ANO2: variants seen among roughly 807,000 people sequenced by gnomAD.
The protein encoded by ANO2 is anoctamin-2.
Under a neutral mutation model 124.2 loss-of-function variants are expected in ANO2, and 101 were observed. The observed-to-expected ratio is 0.81, with a 90% CI of 0.69 to 0.96. ANO2 has a LOEUF of 0.96. Among genes scored for constraint, ANO2 ranks in the 40% least tolerant of loss-of-function variants. The pLI, the probability that ANO2 is intolerant of heterozygous loss-of-function variation, is 0.00. For missense variants in ANO2, 1,293 were observed against 1,274.5 expected (o/e 1.01, Z -0.22); for synonymous variants, 486 against 482.5 (o/e 1.01, Z -0.09).
At chr12:5,881,552 C>T (rs148618407) in intron 3 of ANO2, among the ~76,000 whole-genome samples, 2,224 of 152,314 alleles carry the variant, frequency 0.015, 23 homozygotes, top group Admixed American at 0.037. Flanking sequence ...ACAGCATGCT[C>T]ATTTTTGAGA....
chr12:5,913,997 G>T (rs144092715), intron 3 of ANO2, among the ~76,000 whole-genome samples: 1 of 152,020 alleles, frequency 6.6e-6, no homozygotes, highest in Non-Finnish European at 1.5e-5. Context: ...GTCAGGAGTT[G>T]GAGACCAGCC....
chr12:5,943,277 TTGTGTGTGTGTGTGTG>T (rs138167836), intron 1 of ANO2, among the ~76,000 whole-genome samples: 6 of 148,476 alleles, frequency 4.0e-5, no homozygotes, highest in East Asian at 2.0e-4. Flanking sequence ...GAGTGTGTGT[TTGTGTGTGTGTGTGTG>T]TGTGTGTGTG....
chr12:5,899,988 A>C (rs1940073648), intron 3 of ANO2, among the ~76,000 whole-genome samples: 1 of 152,224 alleles, frequency 6.6e-6, no homozygotes, highest in Non-Finnish European at 1.5e-5. Flanking sequence ...CAAATTCATC[A>C]GCATCTTCTG....
chr12:5,762,199 C>T (rs1178012991), intron 10 of ANO2, among the ~76,000 whole-genome samples: 1 of 151,932 alleles, frequency 6.6e-6, no homozygotes, highest in Non-Finnish European at 1.5e-5. Flanking sequence ...TAGATCATTT[C>T]CAAGTGAAGT....
At chr12:5,602,407 G>C in intron 19 of ANO2, among the ~76,000 whole-genome samples, 2 of 151,778 alleles carry the variant, frequency 1.3e-5, no homozygotes, top group Non-Finnish European at 2.9e-5. Context: ...TGCACCACCA[G>C]GCCCAGCTAA....
chr12:5,573,016 G>A (rs1942212021), intron 23 of ANO2, among the ~76,000 whole-genome samples: 1 of 152,084 alleles, frequency 6.6e-6, no homozygotes, highest in Non-Finnish European at 1.5e-5. Flanking sequence ...CACAATACCT[G>A]GTGTCCTGGG....
chr12:5,798,244 G>A (rs992890264), intron 10 of ANO2, among the ~76,000 whole-genome samples: 3 of 151,920 alleles, frequency 2.0e-5, no homozygotes, highest in Admixed American at 1.3e-4. Context: ...ACGGGAGACA[G>A]GGTGAAGGCA....
chr12:5,922,842 A>G (rs1472013109), intron 1 of ANO2, 38 bp from the exon 2 acceptor site: 1 of 1,457,166 alleles, frequency 6.9e-7, no homozygotes, highest in Non-Finnish European at 9.0e-7. Flanking sequence ...AAACAGCCTC[A>G]GGTGAAGGAA....
intron 10 of ANO2, among the ~76,000 whole-genome samples, chr12:5,778,545 T>C (rs1432968371): frequency 6.6e-6 from 1 of 152,212 alleles, no homozygotes; most frequent in Non-Finnish European, 1.5e-5. Flanking sequence ...ACATCTAACA[T>C]ATCTGAAATC....
chr12:5,707,875 A>T (rs1949672339), intron 14 of ANO2, among the ~76,000 whole-genome samples: 1 of 152,184 alleles, frequency 6.6e-6, no homozygotes, highest in African/African-American at 2.4e-5. Flanking sequence ...GACAGACAAG[A>T]CATCCCAATA....
intron 10 of ANO2, among the ~76,000 whole-genome samples, chr12:5,797,632 T>G (rs1218742890): frequency 2.0e-5 from 3 of 151,908 alleles, no homozygotes; most frequent in Non-Finnish European, 2.9e-5. Flanking sequence ...GGTCAGAGAG[T>G]TCCTTATGCC....
chr12:5,919,985 C>A (rs2136301154), intron 3 of ANO2, among the ~76,000 whole-genome samples: 1 of 151,190 alleles, frequency 6.6e-6, no homozygotes, highest in African/African-American at 2.4e-5. Context: ...GCGTGAGTCA[C>A]CGCGCCTGGC....
At chr12:5,739,007 G>T (rs1035755506) in intron 13 of ANO2, 2 of 490,924 alleles carry the variant, frequency 4.1e-6, no homozygotes, top group African/African-American at 3.8e-5. Flanking sequence ...ATGATCTCAA[G>T]ATTACGTCTT....
At chr12:5,699,784 G>T (rs189915380) in intron 14 of ANO2, among the ~76,000 whole-genome samples, 1,752 of 152,246 alleles carry the variant, frequency 0.012, 38 homozygotes, top group African/African-American at 0.039. Context: ...GGCAGGGGTT[G>T]CAATCCTAGT....
At chr12:5,757,674 A>T (rs574147363) in intron 10 of ANO2, among the ~76,000 whole-genome samples, 1 of 152,328 alleles carries the variant, frequency 6.6e-6, no homozygotes, top group South Asian at 2.1e-4. Context: ...AATCTGGATA[A>T]TCTGTGAAAT....
intron 3 of ANO2, among the ~76,000 whole-genome samples, chr12:5,889,195 G>A (rs1318036551): frequency 2.6e-5 from 4 of 152,024 alleles, no homozygotes; most frequent in Non-Finnish European, 2.9e-5. Flanking sequence ...GCCCCCAAGC[G>A]CCACGCGCAG....
intron 14 of ANO2, among the ~76,000 whole-genome samples, chr12:5,649,398 T>C (rs1169719073): frequency 2.0e-5 from 3 of 152,156 alleles, no homozygotes; most frequent in African/African-American, 7.2e-5. Flanking sequence ...CCAACAGGCT[T>C]TCCATCACAC....
At chr12:5,689,208 C>G (rs1265564586) in intron 14 of ANO2, among the ~76,000 whole-genome samples, 1 of 152,082 alleles carries the variant, frequency 6.6e-6, no homozygotes, top group Non-Finnish European at 1.5e-5. Context: ...GTACCAAAAG[C>G]AAGGGAACTT....
At chr12:5,751,596 T>C (rs1053448623) in intron 10 of ANO2, among the ~76,000 whole-genome samples, 1 of 152,190 alleles carries the variant, frequency 6.6e-6, no homozygotes, top group African/African-American at 2.4e-5. Flanking sequence ...ATATACAACT[T>C]GATGAGTTTG....
Sources: allele counts gnomAD v4.1 joint callset (sites outside exome capture counted in the v4.1 genomes callset), GRCh38; gene constraint gnomAD v4.1.1; transcripts MANE v1.5; gene names NCBI Gene and HGNC (gene_info 2026-07-23, HGNC 2026-07-21).